Variants in CTNNA3 observed in about 807,000 individuals in gnomAD.
The protein encoded by CTNNA3 is catenin alpha-3.
In CTNNA3, 76 loss-of-function variants were observed where a neutral mutation model predicts 95.7. That is an observed-to-expected ratio of 0.79 (90% CI 0.66 to 0.96). The LOEUF (loss-of-function observed/expected upper bound fraction) is 0.96. Ranked by LOEUF, CTNNA3 falls within the 40% of genes least tolerant of loss-of-function variation. The probability of loss-of-function intolerance (pLI) is 0.00; values close to 1 mark genes in which losing one functional copy is unlikely to be tolerated. For synonymous variants in CTNNA3, 431 were observed against 374.4 expected (o/e 1.15, Z -1.74); for missense variants, 1,191 against 1,089.8 (o/e 1.09, Z -1.31).
intron 11 of CTNNA3, among the ~76,000 whole-genome samples, chr10:66,500,639 T>G (rs993730048): frequency 6.6e-6 from 1 of 151,786 alleles, no homozygotes; most frequent in Non-Finnish European, 1.5e-5. Context: ...AGACAGTGAA[T>G]GCATATTTGC....
At chr10:66,486,828 C>A (rs1565009936) in intron 11 of CTNNA3, among the ~76,000 whole-genome samples, 1 of 149,964 alleles carries the variant, frequency 6.7e-6, no homozygotes, top group Non-Finnish European at 1.5e-5. Flanking sequence ...TACACACACA[C>A]ACACACACAC....
intron 13 of CTNNA3, among the ~76,000 whole-genome samples, chr10:66,222,820 G>A (rs1272137753): frequency 6.6e-6 from 1 of 151,938 alleles, no homozygotes; most frequent in Non-Finnish European, 1.5e-5. Context: ...GCACTAAAAC[G>A]TTGCAGGTAT....
At chr10:67,298,171 G>T (rs1263876515) in intron 5 of CTNNA3, among the ~76,000 whole-genome samples, 1 of 152,216 alleles carries the variant, frequency 6.6e-6, no homozygotes, top group Non-Finnish European at 1.5e-5. Context: ...CCATCTTATA[G>T]ATAGGCTGTA....
At chr10:67,715,772 G>C (rs1841138930) in intron 1 of CTNNA3, among the ~76,000 whole-genome samples, 1 of 152,120 alleles carries the variant, frequency 6.6e-6, no homozygotes, top group Admixed American at 6.6e-5. Flanking sequence ...ATCAGATATG[G>C]GACTAAAATT....
At chr10:65,982,017 A>T (rs990372326) in intron 16 of CTNNA3, among the ~76,000 whole-genome samples, 102 of 151,972 alleles carry the variant, frequency 6.7e-4, no homozygotes, top group African/African-American at 2.4e-3. Context: ...TAAAATGGAA[A>T]GCTTCTGCAC....
At chr10:67,337,206 C>G (rs914441627) in intron 5 of CTNNA3, among the ~76,000 whole-genome samples, 1 of 152,148 alleles carries the variant, frequency 6.6e-6, no homozygotes, top group African/African-American at 2.4e-5. Flanking sequence ...GGGAGGAGGT[C>G]AAAATCAGCA....
chr10:67,721,868 T>G (rs924451137), intron 1 of CTNNA3, among the ~76,000 whole-genome samples: 1 of 152,162 alleles, frequency 6.6e-6, no homozygotes, highest in Non-Finnish European at 1.5e-5. Context: ...TTGTTGATGT[T>G]GATGCTATTC....
intron 9 of CTNNA3, among the ~76,000 whole-genome samples, chr10:66,656,768 G>T (rs763176677): frequency 3.9e-5 from 6 of 152,046 alleles, no homozygotes; most frequent in Admixed American, 6.5e-5. Flanking sequence ...TGCTTCCAGG[G>T]CTATAATAAA....
At chr10:66,480,372 T>C (rs1191304946) in intron 11 of CTNNA3, among the ~76,000 whole-genome samples, 1 of 152,164 alleles carries the variant, frequency 6.6e-6, no homozygotes, top group Non-Finnish European at 1.5e-5. Context: ...GCTAACTTGA[T>C]GTTCCCAGCT....
intron 7 of CTNNA3, among the ~76,000 whole-genome samples, chr10:67,136,066 C>T (rs76524773): frequency 0.016 from 2,375 of 152,192 alleles, 55 homozygotes; most frequent in African/African-American, 0.053. Flanking sequence ...AGCCTTCAAT[C>T]ATATTCCTTT....
intron 7 of CTNNA3, among the ~76,000 whole-genome samples, chr10:67,128,967 A>T (rs1156999730): frequency 6.6e-6 from 1 of 152,140 alleles, no homozygotes; most frequent in East Asian, 1.9e-4. Flanking sequence ...AGTGTAAATT[A>T]AAAATGTACA....
In CTNNA3 at chr10:66,352,538, C is replaced by A. The variant is rs527832466; in HGVS notation, c.1732+26614G>T. ...CACTGCATTGCGATAGGGCCTTGAA[C>A]TCAGCTAAACCCATCTAGCCTAACA... On this transcript the variant is annotated intron_variant, in intron 12 of 17. Transcript: ENST00000433211. Among the ~76,000 whole-genome samples, 3 of 152,160 alleles carry A rather than the reference C, an allele frequency of 2.0e-5. No individual in the cohort carries two copies. The South Asian group carries it at 6.2e-4, about 32-fold the overall frequency.
intron 9 of CTNNA3, 114 bp downstream of exon 9, chr10:66,766,150 C>G: frequency 1.0e-6 from 1 of 995,110 alleles, no homozygotes; most frequent in Non-Finnish European, 1.5e-6. Context: ...CCAGACTCTG[C>G]TGTATTTGTA....
intron 9 of CTNNA3, among the ~76,000 whole-genome samples, chr10:66,656,067 T>C (rs1846065153): frequency 6.6e-6 from 1 of 152,086 alleles, no homozygotes; most frequent in South Asian, 2.1e-4. Flanking sequence ...TAAATAGTGT[T>C]ATTATTTTCA....
chr10:66,725,988 G>T (rs941654608), intron 9 of CTNNA3, among the ~76,000 whole-genome samples: 1 of 151,956 alleles, frequency 6.6e-6, no homozygotes, highest in Admixed American at 6.6e-5. Flanking sequence ...TTATGACATT[G>T]CAGGAAAAAC....
intron 6 of CTNNA3, among the ~76,000 whole-genome samples, chr10:67,183,800 G>T (rs185221338): frequency 3.3e-4 from 50 of 152,082 alleles, no homozygotes; most frequent in African/African-American, 1.2e-3. Context: ...CTCAACGTAA[G>T]CTCCATCAAG....
At chr10:67,581,928 A>T (rs1045939782) in intron 3 of CTNNA3, among the ~76,000 whole-genome samples, 7 of 151,682 alleles carry the variant, frequency 4.6e-5, no homozygotes, top group Admixed American at 2.0e-4. Context: ...TTTTTTATGC[A>T]TCTATTTGAT....
intron 13 of CTNNA3, among the ~76,000 whole-genome samples, chr10:66,128,712 G>C (rs2082941162): frequency 6.6e-6 from 1 of 152,100 alleles, no homozygotes; most frequent in African/African-American, 2.4e-5. Flanking sequence ...ACATTATGAT[G>C]GTGTTTAATG....
chr10:67,269,651 CA>C (rs762516307), intron 5 of CTNNA3, among the ~76,000 whole-genome samples: 2 of 151,972 alleles, frequency 1.3e-5, no homozygotes, highest in East Asian at 3.9e-4. Flanking sequence ...AGTGCTCCTC[CA>C]AAAAAATGCA....
Sources: allele counts gnomAD v4.1 joint callset (sites outside exome capture counted in the v4.1 genomes callset), GRCh38; gene constraint gnomAD v4.1.1; transcripts MANE v1.5; gene names NCBI Gene and HGNC (gene_info 2026-07-23, HGNC 2026-07-21).